SIDT2: variants seen among roughly 807,000 people sequenced by gnomAD.
The protein encoded by SIDT2 is SID1 transmembrane family member 2.
In SIDT2, 68 loss-of-function variants were observed where a neutral mutation model predicts 114.4. That is an observed-to-expected ratio of 0.59 (90% CI 0.49 to 0.73). The LOEUF (loss-of-function observed/expected upper bound fraction) is 0.73, where lower values mean the gene tolerates loss of function less well. Among genes scored for constraint, SIDT2 ranks in the 30% least tolerant of loss-of-function variants. SIDT2 has a pLI of 0.00. For synonymous variants in SIDT2, 470 were observed against 438.4 expected (o/e 1.07, Z -0.90); for missense variants, 918 against 1,097.1 (o/e 0.84, Z 2.31).
Position 117,188,916 on chromosome 11 carries a change from T to C in SIDT2, c.1278+90T>C, listed in dbSNP as rs1380822379. The C allele has an allele frequency of 6.8e-6, 9 of 1,333,072 alleles. No individual in the cohort carries two copies. The African/African-American group carries it at 1.3e-4, about 19-fold the overall frequency. The allele number at this position is 1,333,072 out of a possible 1,614,324, so 82.6% of individuals were successfully genotyped here. Reference sequence around the variant, plus strand: ...CCAGCATGTTCCCACTGACGTGGCATTTAGGGAAGCAGAAGGAAGGGGCTC... The same window carrying C: ...CCAGCATGTTCCCACTGACGTGGCACTTAGGGAAGCAGAAGGAAGGGGCTC... On this transcript the variant is annotated intron_variant, in intron 13 of 25. Transcript: ENST00000324225. This position sits in a 1 kb window ranked among gnomAD's most constrained non-coding sequence, Gnocchi z 4.0.
rs11216311 is a variant in SIDT2 at position 117,194,519 on chromosome 11, C to T, written c.2322+556C>T. 2.0e-5 allele frequency among the ~76,000 whole-genome samples: 3 copies of T among 152,240 alleles called. No individual in the cohort carries two copies. In the South Asian group the frequency reaches 6.2e-4, roughly 31 times the overall value. On this transcript the variant is annotated intron_variant, in intron 24 of 25. Transcript: ENST00000324225. The stretch of plus-strand genomic sequence containing the variant: ...CATTTGAAGCCAGCAAGGCTTGGCT[C>T]TCTTCTCTGCCTTGCAGGACACCTA...
At position 117,186,566 on chromosome 11, in the gene SIDT2, T is replaced by C; in HGVS notation, c.963-18T>C. On this transcript the variant is annotated intron_variant, in intron 9 of 25. Transcript: ENST00000324225. ...TGTCCTGTCCCATCTGGGTGGCCTG[T>C]GGGTTCTGTCCATGCAGGCAGAAGA... 1 of 1,544,246 alleles carries C rather than the reference T, an allele frequency of 6.5e-7. No homozygotes were observed. Among genetic ancestry groups the C allele is most frequent in the Non-Finnish European group, 8.7e-7 (1 of 1,150,662 alleles).
In SIDT2 at chr11:117,182,640, G is replaced by T. The variant is rs373000742; in HGVS notation, c.618+20G>T. 1.2e-6 allele frequency: 2 copies of T among 1,614,176 alleles called. No homozygotes were observed. The highest frequency in any genetic ancestry group is 1.7e-6 in the Non-Finnish European group (2 of 1,179,992). On this transcript the variant is annotated intron_variant, in intron 5 of 25. Transcript: ENST00000324225. The stretch of plus-strand genomic sequence containing the variant: ...GTGCTGGTGAGTTGCCTGCCCTTTT[G>T]CTCTTCCCCAGCAGGCAGCAGGGCT...
chr11:117,187,230 G>T, intron 10 of SIDT2, 148 bp from the exon 11 acceptor site: 5 of 911,860 alleles, frequency 5.5e-6, no homozygotes, highest in South Asian at 4.4e-5. Context: ...TGGCAGCAGT[G>T]GGGTGTGTTT....
rs2030751501 is a variant in SIDT2 at position 117,192,792 on chromosome 11, C to T, written c.2059-28C>T. On this transcript the variant is annotated intron_variant, in intron 21 of 25. Transcript: ENST00000324225. This position sits in a 1 kb window ranked among gnomAD's most constrained non-coding sequence, Gnocchi z 5.9. ...CCACCACCCTCCCTGCCCCTGCCCT[C>T]AGTCCCTGTGTCCCTGCTTCCCTCC... 1 of 1,614,126 alleles carries T rather than the reference C, an allele frequency of 6.2e-7. No homozygotes were observed. Among genetic ancestry groups the T allele is most frequent in the Non-Finnish European group, 8.5e-7 (1 of 1,180,016 alleles).
At chr11:117,182,365 G>T in intron 4 of SIDT2, 154 bp from the exon 5 acceptor site, 1 of 740,928 alleles carries the variant, frequency 1.3e-6, no homozygotes, top group Admixed American at 2.4e-5. Context: ...AGAGAAAGGG[G>T]CTGCTGTGAT....
At chr11:117,186,486 G>A (rs1369701773) in intron 9 of SIDT2, 98 bp from the exon 10 acceptor site, 11 of 1,209,692 alleles carry the variant, frequency 9.1e-6, no homozygotes, top group South Asian at 2.9e-5. Context: ...GGGTCATAGC[G>A]ATGAGAGTGG....
In SIDT2 at chr11:117,192,875, G is replaced by C. The variant is rs1480368906; in HGVS notation, c.2105+9G>C. ...GTCATCAACTGGTCGCTGTGAGTAT[G>C]GTCAGCAGTAGTGGCCTGGTTGGGT... On this transcript the variant is annotated intron_variant, in intron 22 of 25. Coordinates refer to ENST00000324225, the MANE Select transcript of SIDT2 (RefSeq NM_001040455.2). This position sits in a 1 kb window ranked among gnomAD's most constrained non-coding sequence, Gnocchi z 5.9. The C allele has an allele frequency of 8.7e-6, 14 of 1,614,130 alleles. No individual in the cohort carries two copies. Among genetic ancestry groups the C allele is most frequent in the Non-Finnish European group, 1.1e-5 (13 of 1,180,022 alleles).
rs746772439 is a variant in SIDT2 at position 117,192,396 on chromosome 11, G to A, written c.1981+34G>A. The A allele has an allele frequency of 2.1e-6, 3 of 1,459,118 alleles. No individual in the cohort carries two copies. Among genetic ancestry groups the A allele is most frequent in the South Asian group, 2.3e-5 (2 of 87,996 alleles). 90.4% of individuals were successfully genotyped at this position (1,459,118 alleles called of 1,614,324 possible). A position where few individuals can be genotyped will look rare whatever the true frequency, so the allele number is the denominator to read the frequency against. ...ACGCCCGGGGCAGGGCCTGGGGGAG[G>A]GGTCTGGGGGGCCTTGGGAACCCGG... On this transcript the variant is annotated intron_variant, in intron 20 of 25. Transcript: ENST00000324225. This position sits in a 1 kb window ranked among gnomAD's most constrained non-coding sequence, Gnocchi z 5.9.
Position 117,192,273 on chromosome 11 carries a change from C to T in SIDT2, c.1892C>T (p.Thr631Met), listed in dbSNP as rs12285035. 3.1e-3 allele frequency: 4,970 copies of T among 1,610,274 alleles called. 118 individuals carry two copies. The African/African-American group carries it at 0.056, about 18-fold the overall frequency. ...VLGVVFGKGN[T>M]AFWIVFSIIH... ...CGACAGGTCTTTGGCAAAGGGAACA[C>T]GGCGTTCTGGATCGTCTTCTCCATC... Residue 631 changes from threonine to methionine, a missense_variant, in exon 20 of 26, where the codon ACG (threonine) becomes ATG (methionine). Coordinates refer to ENST00000324225, the MANE Select transcript of SIDT2 (RefSeq NM_001040455.2). The surrounding 1 kb of genome is among the most constrained non-coding windows in gnomAD (Gnocchi z 5.9).
chr11:117,193,966 G>A lies in SIDT2; in HGVS notation c.2322+3G>A. 1 of 1,612,722 alleles carries A rather than the reference G, an allele frequency of 6.2e-7. No homozygotes were observed. The highest frequency in any genetic ancestry group is 8.5e-7 in the Non-Finnish European group (1 of 1,178,862). On this transcript the variant is annotated splice_donor_region_variant and intron_variant, in intron 24 of 25. Transcript: ENST00000324225. ...TCCAGGGACTCAGCACCTGGCAGGT[G>A]AGCACTCACCCTCAGGCTCCTTGTG...
chr11:117,187,909 C>T (rs1157008093), intron 12 of SIDT2: 6 of 692,816 alleles, frequency 8.7e-6, no homozygotes, highest in African/African-American at 1.8e-5. Flanking sequence ...CCAGTTCAAG[C>T]GGCGCCTCCC....
intron 10 of SIDT2, chr11:117,186,863 C>A: frequency 8.6e-7 from 1 of 1,156,262 alleles, no homozygotes; most frequent in Non-Finnish European, 1.2e-6. Flanking sequence ...CCATGTCTAG[C>A]GATGGTGTCT....
Position 117,190,878 on chromosome 11 carries a change from C to T in SIDT2, c.1735+138C>T. ...CAAGGCTGGCGTGCCTGGGTGTGCA[C>T]ACATCCTAGCCTATGGAACATGGGC... On this transcript the variant is annotated intron_variant, in intron 18 of 25. Transcript: ENST00000324225. This position sits in a 1 kb window ranked among gnomAD's most constrained non-coding sequence, Gnocchi z 4.1. 1 of 665,652 alleles carries T rather than the reference C, an allele frequency of 1.5e-6. No homozygotes were observed. The highest frequency in any genetic ancestry group is 2.7e-6 in the Non-Finnish European group (1 of 368,510). The allele number at this position is 665,652 out of a possible 1,614,324, so 41.2% of individuals were successfully genotyped here.
Position 117,188,721 on chromosome 11 carries a change from A to C in SIDT2, c.1173A>C (p.Glu391Asp). The C allele has an allele frequency of 1.2e-6, 2 of 1,614,026 alleles. No homozygotes were observed. The highest frequency in any genetic ancestry group is 1.7e-6 in the Non-Finnish European group (2 of 1,179,964). ...TGCCCTTTCCAGGCCGCTCCTTTGA[A>C]CCTGTAGGTACTCGGCCCCGAGTGG... The part of the protein sequence containing the change: ...LSYGYQGRSF[E>D]PVGTRPRVDS... The change falls in exon 13 of 26, where the codon GAA (glutamate) becomes GAC (aspartate). Residue 391 changes from glutamate to aspartate, a missense_variant. Physicochemically the swap from Glu to Asp is conservative, Grantham distance 45 (BLOSUM62 2). This residue lies in a region of SIDT2 where 553 missense variants were observed against 600.1 expected (regional missense o/e 0.92). Transcript: ENST00000324225. The surrounding 1 kb of genome is among the most constrained non-coding windows in gnomAD (Gnocchi z 4.0).
chr11:117,178,752 G>T lies in SIDT2; in HGVS notation c.-512G>T, dbSNP rs2030124253. ...GCGCAGCTCACTTTTCAGTGTTCGT[G>T]CGTCGGGACGGCGCGTCCGCCCGCC... On this transcript the variant is annotated 5_prime_UTR_variant, in exon 1 of 26. Transcript: ENST00000324225. The T allele has an allele frequency of 1.3e-5, 2 of 156,402 alleles. No homozygotes were observed. Among genetic ancestry groups the T allele is most frequent in the African/African-American group, 4.8e-5 (2 of 41,496 alleles). 9.7% of individuals were successfully genotyped at this position (156,402 alleles called of 1,614,324 possible).
chr11:117,189,179 A>C lies in SIDT2; in HGVS notation c.1289A>C (p.Tyr430Ser). The change falls in exon 14 of 26, where the codon TAT (tyrosine) becomes TCT (serine). Residue 430 changes from tyrosine to serine, a missense_variant. Physicochemically the swap from Tyr to Ser is moderately radical, Grantham distance 144 (BLOSUM62 -2). Transcript: ENST00000324225. ...CCAGCTTCTCCCCAGCAATACCTCT[A>C]TGTGGCTGACCTGGCACGGAAGGAC... ...KNVIRTKQYL[Y>S]VADLARKDKR... 1.9e-6 allele frequency: 3 copies of C among 1,614,198 alleles called. No homozygotes were observed. The highest frequency in any genetic ancestry group is 2.5e-6 in the Non-Finnish European group (3 of 1,180,006).
At chr11:117,193,282 C>G (rs1267184416) in intron 23 of SIDT2, 24 bp downstream of exon 23, 2 of 1,564,318 alleles carry the variant, frequency 1.3e-6, no homozygotes, top group Non-Finnish European at 8.8e-7. Context: ...GCCAAGCCCC[C>G]TCTGTCAGCT....
Position 117,192,364 on chromosome 11 carries a change from T to C in SIDT2, c.1981+2T>C. On this transcript the variant is annotated splice_donor_variant, in intron 20 of 25. Coordinates refer to ENST00000324225, the MANE Select transcript of SIDT2 (RefSeq NM_001040455.2). LOFTEE classifies it high-confidence loss of function. This position sits in a 1 kb window ranked among gnomAD's most constrained non-coding sequence, Gnocchi z 5.9. Reference sequence around the variant, plus strand: ...ATTACATGGGCCGGTGGAAACTGGGTAAGGGCACGCCCGGGGCAGGGCCTG... The same window carrying C: ...ATTACATGGGCCGGTGGAAACTGGGCAAGGGCACGCCCGGGGCAGGGCCTG... The C allele has an allele frequency of 6.3e-7, 1 of 1,577,858 alleles. No homozygotes were observed. Among genetic ancestry groups the C allele is most frequent in the Middle Eastern group, 1.7e-4 (1 of 5,994 alleles).
Sources: allele counts gnomAD v4.1 joint callset (sites outside exome capture counted in the v4.1 genomes callset), GRCh38; gene constraint gnomAD v4.1.1; regional missense constraint gnomAD v4.1.1; non-coding constraint Gnocchi (gnomAD v3.1); transcripts MANE v1.5; gene names NCBI Gene and HGNC (gene_info 2026-07-23, HGNC 2026-07-21).